The following KCNAB1 variants were observed in gnomAD, a reference collection of about 807,000 sequenced individuals.
KCNAB1 encodes voltage-gated potassium channel subunit beta-1.
A neutral mutation model predicts 64.6 loss-of-function variants in KCNAB1; 35 were observed. The ratio of observed to expected loss-of-function variants is 0.54; its 90% CI spans 0.41 to 0.72. The LOEUF is 0.72. KCNAB1 is among the 30% of genes least tolerant of loss of function. The probability of loss-of-function intolerance (pLI) is 0.00; values close to 1 mark genes in which losing one functional copy is unlikely to be tolerated. For missense variants in KCNAB1, 401 were observed against 512.9 expected (o/e 0.78, Z 2.11); for synonymous variants, 177 against 183.8 (o/e 0.96, Z 0.30).
intron 1 of KCNAB1, among the ~76,000 whole-genome samples, chr3:156,195,827 A>G (rs1463594011): frequency 1.3e-5 from 2 of 152,158 alleles, no homozygotes; most frequent in Non-Finnish European, 2.9e-5. Flanking sequence ...TTCTGTGGTC[A>G]CTGCTTTTGG....
At chr3:156,337,173 A>G (rs1723771519) in intron 1 of KCNAB1, among the ~76,000 whole-genome samples, 1 of 152,214 alleles carries the variant, frequency 6.6e-6, no homozygotes, top group Admixed American at 6.5e-5. Context: ...TCCTCTAGAA[A>G]TAAAATTGCA....
chr3:156,214,904 A>C (rs78134340), intron 1 of KCNAB1, among the ~76,000 whole-genome samples: 5 of 152,190 alleles, frequency 3.3e-5, no homozygotes, highest in African/African-American at 1.2e-4. Flanking sequence ...CACAAGCAGG[A>C]TCTTCACACA....
intron 2 of KCNAB1, among the ~76,000 whole-genome samples, chr3:156,440,442 C>G (rs1413841393): frequency 6.6e-6 from 1 of 152,200 alleles, no homozygotes; most frequent in African/African-American, 2.4e-5. Context: ...AGGAGCTGTT[C>G]TTTGCTTCTC....
chr3:156,263,402 C>G (rs1253314095), intron 1 of KCNAB1, among the ~76,000 whole-genome samples: 1 of 151,878 alleles, frequency 6.6e-6, no homozygotes, highest in Non-Finnish European at 1.5e-5. Context: ...TTAGAATAGT[C>G]CTATTTAATT....
chr3:156,438,303 C>G (rs150896495), intron 2 of KCNAB1, among the ~76,000 whole-genome samples: 129 of 152,306 alleles, frequency 8.5e-4, no homozygotes, highest in Non-Finnish European at 1.3e-3. Flanking sequence ...GCAGATGCCA[C>G]TTTTGATGAC....
At chr3:156,270,741 A>C (rs1718991063) in intron 1 of KCNAB1, among the ~76,000 whole-genome samples, 1 of 152,124 alleles carries the variant, frequency 6.6e-6, no homozygotes, top group African/African-American at 2.4e-5. Flanking sequence ...ACAATTACAG[A>C]GTCATAATAT....
At chr3:156,247,411 A>G (rs1717522915) in intron 1 of KCNAB1, among the ~76,000 whole-genome samples, 1 of 152,116 alleles carries the variant, frequency 6.6e-6, no homozygotes, top group Admixed American at 6.5e-5. Flanking sequence ...TTACCCAACC[A>G]ATATGTTCAC....
chr3:156,292,569 G>A (rs189874253), intron 1 of KCNAB1, among the ~76,000 whole-genome samples: 77 of 152,056 alleles, frequency 5.1e-4, no homozygotes, highest in African/African-American at 1.6e-3. Flanking sequence ...ACAGAGTCTC[G>A]CTCTGTTGCC....
intron 1 of KCNAB1, among the ~76,000 whole-genome samples, chr3:156,335,647 A>G (rs1235760096): frequency 6.6e-6 from 1 of 152,230 alleles, no homozygotes; most frequent in Non-Finnish European, 1.5e-5. Context: ...ACTCTGGAAC[A>G]TATCATTTTC....
intron 1 of KCNAB1, among the ~76,000 whole-genome samples, chr3:156,225,441 A>G (rs1182856944): frequency 6.6e-6 from 1 of 152,238 alleles, no homozygotes; most frequent in Non-Finnish European, 1.5e-5. Flanking sequence ...AAAGCCATCT[A>G]TGACAAACCC....
chr3:156,305,643 A>G (rs888723554), intron 1 of KCNAB1, among the ~76,000 whole-genome samples: 3 of 152,318 alleles, frequency 2.0e-5, no homozygotes, highest in Non-Finnish European at 4.4e-5. Context: ...ATAGTTGTAC[A>G]CAGTTTCTGT....
chr3:156,383,506 T>A (rs1231754517), intron 1 of KCNAB1, among the ~76,000 whole-genome samples: 1 of 152,184 alleles, frequency 6.6e-6, no homozygotes, highest in Non-Finnish European at 1.5e-5. Context: ...ATCCCAGTTT[T>A]GCACTGAAAG....
chr3:156,338,404 G>A (rs113312222), intron 1 of KCNAB1, among the ~76,000 whole-genome samples: 17,201 of 138,398 alleles, frequency 0.12, 1,040 homozygotes, highest in Middle Eastern at 0.25. Flanking sequence ...TCCGCCTCCC[G>A]GGTTCAAGCG....
intron 1 of KCNAB1, among the ~76,000 whole-genome samples, chr3:156,407,629 T>C (rs1714335740): frequency 6.6e-6 from 1 of 152,250 alleles, no homozygotes; most frequent in African/African-American, 2.4e-5. Flanking sequence ...GCAGCTCCAG[T>C]GTGTTCATTG....
chr3:156,222,020 C>T (rs1347501909), intron 1 of KCNAB1, among the ~76,000 whole-genome samples: 1 of 152,024 alleles, frequency 6.6e-6, no homozygotes. Context: ...AAAAACAAAA[C>T]AAAACAAGGT....
At chr3:156,427,724 G>A (rs1715912360) in intron 2 of KCNAB1, among the ~76,000 whole-genome samples, 2 of 152,194 alleles carry the variant, frequency 1.3e-5, no homozygotes. Flanking sequence ...GAGAGGCCCA[G>A]CATCAGGGAT....
At chr3:156,424,375 G>A (rs1191331839) in intron 2 of KCNAB1, among the ~76,000 whole-genome samples, 4 of 152,154 alleles carry the variant, frequency 2.6e-5, no homozygotes, top group Non-Finnish European at 4.4e-5. Context: ...CTTGGGAGGT[G>A]AAGGCAGTAT....
intron 1 of KCNAB1, among the ~76,000 whole-genome samples, chr3:156,144,151 G>A (rs1030151909): frequency 6.6e-6 from 1 of 152,044 alleles, no homozygotes; most frequent in Non-Finnish European, 1.5e-5. Flanking sequence ...ACGTACGCCT[G>A]GAGTTTTAAA....
chr3:156,292,080 A>C lies in KCNAB1; in HGVS notation c.276-129536A>C. On this transcript the variant is annotated intron_variant, in intron 1 of 13. Transcript: ENST00000490337. ...CTGGGGACGTTCACGCCTCAGCATC[A>C]CATTTCTCTCAAAGAGTCCACCGCA... 5 of 1,614,108 alleles carry C rather than the reference A, an allele frequency of 3.1e-6. No homozygotes were observed. In the South Asian group the frequency reaches 5.5e-5, roughly 18 times the overall value.
Sources: allele counts gnomAD v4.1 joint callset (sites outside exome capture counted in the v4.1 genomes callset), GRCh38; gene constraint gnomAD v4.1.1; transcripts MANE v1.5; gene names NCBI Gene and HGNC (gene_info 2026-07-23, HGNC 2026-07-21).